The following EIF3L variants were observed in gnomAD, a reference collection of about 807,000 sequenced individuals.
EIF3L encodes eIEF associated protein HSPC021.
In EIF3L, 32 loss-of-function variants were observed where a neutral mutation model predicts 74.6. The ratio of observed to expected loss-of-function variants is 0.43; its 90% confidence interval spans 0.32 to 0.58. The LOEUF is 0.58. Among genes scored for constraint, EIF3L ranks in the 20% least tolerant of loss-of-function variants. The pLI is 0.06. For synonymous variants in EIF3L, 256 were observed against 254.4 expected (o/e 1.01, Z -0.06); for missense variants, 474 against 707.8 (o/e 0.67, Z 3.75).
intron 7 of EIF3L, among the ~76,000 whole-genome samples, chr22:37,865,321 G>C (rs1257836212): frequency 2.0e-5 from 3 of 151,880 alleles, no homozygotes; most frequent in Non-Finnish European, 2.9e-5. Flanking sequence ...ACAGCTGGGC[G>C]TGGTGGTGTG....
intron 8 of EIF3L, among the ~76,000 whole-genome samples, chr22:37,871,655 G>T (rs1601772270): frequency 6.6e-6 from 1 of 152,042 alleles, no homozygotes; most frequent in Non-Finnish European, 1.5e-5. Flanking sequence ...ATCACCTGAG[G>T]TCAGGAGTTC....
intron 9 of EIF3L, 90 bp from the exon 10 acceptor site, chr22:37,875,751 C>T (rs984071758): frequency 4.6e-6 from 6 of 1,293,114 alleles, no homozygotes; most frequent in Admixed American, 4.0e-5. Context: ...AGTTGAGGGC[C>T]TCTGCAGGGA....
intron 11 of EIF3L, chr22:37,882,881 T>G (rs1026995761): frequency 2.0e-5 from 3 of 151,798 alleles, no homozygotes; most frequent in African/African-American, 7.3e-5. Flanking sequence ...GTGCCTGTAG[T>G]CCCAGCTACT....
chr22:37,854,349 A>C (rs1195005740), intron 3 of EIF3L, among the ~76,000 whole-genome samples: 2 of 152,218 alleles, frequency 1.3e-5, no homozygotes, highest in African/African-American at 4.8e-5. Context: ...GGTCAATGTC[A>C]GTAGAGTGAT....
chr22:37,855,669 G>A (rs1470847063), intron 4 of EIF3L, 25 bp downstream of exon 4: 8 of 1,597,340 alleles, frequency 5.0e-6, no homozygotes, highest in Non-Finnish European at 6.9e-6. Flanking sequence ...TTTATATCTT[G>A]TGCACTGAGT....
At chr22:37,852,758 G>C (rs569674981) in intron 3 of EIF3L, among the ~76,000 whole-genome samples, 1 of 151,746 alleles carries the variant, frequency 6.6e-6, no homozygotes, top group East Asian at 1.9e-4. Flanking sequence ...GGTCCTTCCC[G>C]CCCCTGCAAG....
chr22:37,876,178 G>A, intron 10 of EIF3L, 167 bp downstream of exon 10: 1 of 674,712 alleles, frequency 1.5e-6, no homozygotes, highest in Non-Finnish European at 2.4e-6. Context: ...TCACCCAGCT[G>A]GAGTGCAGTG....
At chr22:37,849,867 C>A in intron 1 of EIF3L, 148 bp from the exon 2 acceptor site, 1 of 812,458 alleles carries the variant, frequency 1.2e-6, no homozygotes, top group Non-Finnish European at 2.1e-6. Context: ...TGTCCCTTTT[C>A]TCTAAGGCGT....
intron 2 of EIF3L, among the ~76,000 whole-genome samples, 186 bp downstream of exon 2, chr22:37,850,249 C>G (rs1221610523): frequency 6.6e-6 from 1 of 152,170 alleles, no homozygotes; most frequent in Non-Finnish European, 1.5e-5. Context: ...TAGTCCACCT[C>G]AGTCTTGGAA....
intron 3 of EIF3L, among the ~76,000 whole-genome samples, chr22:37,853,851 A>G (rs937290642): frequency 2.0e-5 from 3 of 152,258 alleles, no homozygotes; most frequent in Admixed American, 1.3e-4. Flanking sequence ...AAGTAATTCA[A>G]ATTTGAAATT....
chr22:37,878,362 T>C (rs1926863880), intron 11 of EIF3L, 191 bp downstream of exon 11: 1 of 583,360 alleles, frequency 1.7e-6, no homozygotes, highest in Admixed American at 3.7e-5. Flanking sequence ...GGAGGATCAC[T>C]CTAGCCCAGG....
intron 11 of EIF3L, chr22:37,882,728 C>T (rs1357662256): frequency 2.6e-5 from 4 of 151,680 alleles, no homozygotes; most frequent in South Asian, 2.1e-4. Flanking sequence ...ATAAGCCGGG[C>T]GCGTTGGTTC....
Position 37,870,187 on chromosome 22 carries a change from C to T in EIF3L, c.591C>T (p.Phe197=). ...TTCTTCCTCAACAGTTTCAGTCATTCAGTCAGTACCGCTGTAAGACTGCCA... is the reference window on the plus strand; with the variant it reads ...TTCTTCCTCAACAGTTTCAGTCATTTAGTCAGTACCGCTGTAAGACTGCCA... ...IDEFIYQFQS[F]SQYRCKTAKK... Residue 197 remains phenylalanine (F), a synonymous_variant, in exon 8 of 13, where the codon TTC becomes TTT. Coordinates refer to ENST00000652021, the MANE Select transcript of EIF3L (RefSeq NM_016091.4). 2 of 1,601,696 alleles carry T rather than the reference C, an allele frequency of 1.2e-6. No homozygotes were observed. The highest frequency in any genetic ancestry group is 1.1e-5 in the South Asian group (1 of 89,232).
intron 5 of EIF3L, among the ~76,000 whole-genome samples, chr22:37,862,367 G>T (rs1025047623): frequency 4.6e-5 from 7 of 152,196 alleles, no homozygotes; most frequent in Admixed American, 4.6e-4. Flanking sequence ...CACCTTCTCT[G>T]TGGAGGGTCA....
chr22:37,862,059 C>T (rs998832344), intron 5 of EIF3L, among the ~76,000 whole-genome samples: 8 of 152,232 alleles, frequency 5.3e-5, no homozygotes, highest in African/African-American at 1.9e-4. Flanking sequence ...TGTTCTCAAA[C>T]TCCTGGCCTC....
chr22:37,855,370 CAA>C (rs1925445811), intron 3 of EIF3L, among the ~76,000 whole-genome samples, 193 bp from the exon 4 acceptor site: 1 of 152,126 alleles, frequency 6.6e-6, no homozygotes, highest in Admixed American at 6.6e-5. Context: ...GATACAAAAA[CAA>C]TATTTTCTTG....
chr22:37,866,817 A>C (rs899814973), intron 7 of EIF3L, among the ~76,000 whole-genome samples: 2 of 152,140 alleles, frequency 1.3e-5, no homozygotes, highest in African/African-American at 4.8e-5. Flanking sequence ...ACAGGTGTGA[A>C]CCACCATGCC....
chr22:37,855,557 A>AT lies in EIF3L; in HGVS notation c.294-3dup, dbSNP rs1411925402. ...TGGAATTTTAGAGATTTTTTTCTTG[A>AT]TTTTTAGCTGGACCAAGCTGACTGA... is the stretch of plus-strand genomic sequence containing the variant. On this transcript the variant is annotated splice_region_variant and splice_polypyrimidine_tract_variant and intron_variant, in intron 3 of 12. Transcript: ENST00000652021. 9.9e-6 allele frequency: 16 copies of AT among 1,613,512 alleles called. No individual in the cohort carries two copies. The highest frequency in any genetic ancestry group is 1.7e-5 in the Admixed American group (1 of 59,870).
chr22:37,870,123 A>G, intron 7 of EIF3L, 53 bp from the exon 8 acceptor site: 1 of 1,485,322 alleles, frequency 6.7e-7, no homozygotes, highest in South Asian at 1.3e-5. Context: ...GTGGACATGG[A>G]TGATCACTTT....
Sources: gnomAD v4.1 joint callset for allele counts (sites outside exome capture counted in the v4.1 genomes callset) on GRCh38, gnomAD v4.1.1 for gene constraint, MANE v1.5 for transcripts, NCBI Gene and HGNC (gene_info 2026-07-23, HGNC 2026-07-21) for gene names.